Variants in MAP3K4 observed in about 807,000 individuals in gnomAD.
MAP3K4 encodes MAP three kinase 1.
Under a neutral mutation model 185.6 loss-of-function variants are expected in MAP3K4, and 67 were observed. The observed-to-expected ratio is 0.36, with a 90% CI of 0.30 to 0.44. The LOEUF (loss-of-function observed/expected upper bound fraction) is 0.44, where lower values mean the gene tolerates loss of function less well. Among genes scored for constraint, MAP3K4 ranks in the 20% least tolerant of loss-of-function variants. The pLI, the probability that MAP3K4 is intolerant of heterozygous loss-of-function variation, is 1.00. For missense variants in MAP3K4, 1,551 were observed against 1,995.1 expected, an observed-to-expected ratio of 0.78 and a Z score of 4.24; for synonymous variants, 702 against 710.4, an observed-to-expected ratio of 0.99 and a Z score of 0.19.
chr6:161,029,234 G>GT (rs1429164051), intron 1 of MAP3K4, among the ~76,000 whole-genome samples: 2 of 148,916 alleles, frequency 1.3e-5, no homozygotes, highest in Non-Finnish European at 3.0e-5. Context: ...AGTGTTTTGG[G>GT]TTTTTTTGGC....
intron 2 of MAP3K4, among the ~76,000 whole-genome samples, chr6:161,035,939 C>T (rs1783145183): frequency 6.6e-6 from 1 of 152,108 alleles, no homozygotes. Context: ...TTTTTAAGTC[C>T]AGAAGGCTTG....
At position 161,053,983 on chromosome 6, in the gene MAP3K4, G is replaced by A. The variant is rs188614839; in HGVS notation, c.1707+4004G>A. 3.9e-5 allele frequency among the ~76,000 whole-genome samples: 6 copies of A among 152,134 alleles called. No individual in the cohort carries two copies. The highest frequency in any genetic ancestry group is 7.2e-5 in the African/African-American group (3 of 41,432). ...CATATTTTGCAGTTTTTGTGGTTTC[G>A]TGATAATAGGAATGAATATAGGTGA... is the stretch of plus-strand genomic sequence containing the variant. On this transcript the variant is annotated intron_variant, in intron 3 of 26. Coordinates refer to ENST00000392142, the MANE Select transcript of MAP3K4 (RefSeq NM_005922.4). The surrounding 1 kb of genome is among the most constrained non-coding windows in gnomAD (Gnocchi z 4.2).
In MAP3K4 at chr6:161,088,070, T is replaced by G; in HGVS notation, c.2823+116T>G. 3.0e-6 allele frequency: 3 copies of G among 1,003,720 alleles called. No individual in the cohort carries two copies. The highest frequency in any genetic ancestry group is 4.3e-6 in the Non-Finnish European group (3 of 704,550). The allele number at this position is 1,003,720 out of a possible 1,614,324, so 62.2% of individuals were successfully genotyped here. Reference sequence around the variant, plus strand: ...TACCCTAGTAATCACAAGTATATACTTCCCAAAAATATGCCTCAATGTGTT... The same window carrying G: ...TACCCTAGTAATCACAAGTATATACGTCCCAAAAATATGCCTCAATGTGTT... On this transcript the variant is annotated intron_variant, in intron 10 of 26. Transcript: ENST00000392142. This position sits in a 1 kb window ranked among gnomAD's most constrained non-coding sequence, Gnocchi z 4.5.
At chr6:161,041,817 G>A (rs1251650251) in intron 2 of MAP3K4, among the ~76,000 whole-genome samples, 3 of 152,058 alleles carry the variant, frequency 2.0e-5, no homozygotes, top group African/African-American at 7.2e-5. Context: ...TCAGGTGTGG[G>A]CTACTTGTGA....
intron 1 of MAP3K4, among the ~76,000 whole-genome samples, chr6:160,997,216 T>G (rs933400523): frequency 1.3e-5 from 2 of 152,150 alleles, no homozygotes; most frequent in Non-Finnish European, 2.9e-5. Context: ...CACCTTATTG[T>G]CTCCATCCCC....
intron 2 of MAP3K4, among the ~76,000 whole-genome samples, chr6:161,046,384 A>C (rs1200307658): frequency 1.3e-5 from 2 of 152,146 alleles, no homozygotes; most frequent in Non-Finnish European, 2.9e-5. Context: ...TATATAAATA[A>C]GAGTTGATAA....
At chr6:161,090,106 C>G (rs1490205449) in intron 11 of MAP3K4, among the ~76,000 whole-genome samples, 1 of 152,222 alleles carries the variant, frequency 6.6e-6, no homozygotes, top group Non-Finnish European at 1.5e-5. Flanking sequence ...GAAACATTCT[C>G]TGAAGTTACA....
At chr6:161,047,117 CATATATATATATATATAT>C (rs3050257) in intron 2 of MAP3K4, among the ~76,000 whole-genome samples, 2 of 135,020 alleles carry the variant, frequency 1.5e-5, no homozygotes, top group Admixed American at 1.5e-4. Flanking sequence ...TTCACTTATG[CATATATATATATATATAT>C]ATATATATAT....
intron 3 of MAP3K4, among the ~76,000 whole-genome samples, chr6:161,059,015 A>G (rs1471859126): frequency 2.6e-5 from 4 of 152,198 alleles, no homozygotes; most frequent in African/African-American, 4.8e-5. Context: ...CATCTTTGAT[A>G]TGTATTGCCA....
At chr6:161,029,574 T>C (rs1330879373) in intron 1 of MAP3K4, among the ~76,000 whole-genome samples, 13 of 152,230 alleles carry the variant, frequency 8.5e-5, no homozygotes, top group Admixed American at 8.5e-4. Flanking sequence ...AGAAGTTTAG[T>C]ACCAGAAAGA....
Position 161,091,948 on chromosome 6 carries a change from AGT to A in MAP3K4, c.3136-56_3136-55del, listed in dbSNP as rs1177301374. The A allele has an allele frequency of 2.2e-6, 3 of 1,344,316 alleles. No individual in the cohort carries two copies. Among genetic ancestry groups the A allele is most frequent in the Non-Finnish European group, 3.2e-6 (3 of 941,408 alleles). The allele number at this position is 1,344,316 out of a possible 1,614,324, so 83.3% of individuals were successfully genotyped here. ...GAAAACATTTTAGACATGGCATTAT[AGT>A]GTGTGATATTATTTAATGATCATTT... On this transcript the variant is annotated intron_variant, in intron 12 of 26. Coordinates refer to ENST00000392142, the MANE Select transcript of MAP3K4 (RefSeq NM_005922.4). The surrounding 1 kb of genome is among the most constrained non-coding windows in gnomAD (Gnocchi z 5.5).
In MAP3K4 at chr6:161,077,344, C is replaced by G. The variant is rs1465267959; in HGVS notation, c.2098-3537C>G. 6.6e-6 allele frequency among the ~76,000 whole-genome samples: 1 copy of G among 152,144 alleles called. No individual in the cohort carries two copies. Among genetic ancestry groups the G allele is most frequent in the Admixed American group, 6.5e-5 (1 of 15,282 alleles). On this transcript the variant is annotated intron_variant, in intron 5 of 26. Transcript: ENST00000392142. This position sits in a 1 kb window ranked among gnomAD's most constrained non-coding sequence, Gnocchi z 4.3. ...AAAATCAACAAGAACATATCTAAAG[C>G]AAATATGACAAAATACTAACATTTG...
chr6:161,049,719 G>T lies in MAP3K4; in HGVS notation c.1447G>T (p.Asp483Tyr), dbSNP rs1373404574. ...EIRQPIDNSF[D>Y]IQSRDCISKK... ...CAGACAGCCCATAGATAACAGCTTC[G>T]ACATCCAGTCGCGGGACTGCATATC... Residue 483 changes from aspartate to tyrosine, a missense_variant, in exon 3 of 27, where the codon GAC becomes TAC. Coordinates refer to ENST00000392142, the MANE Select transcript of MAP3K4 (RefSeq NM_005922.4). The surrounding 1 kb of genome is among the most constrained non-coding windows in gnomAD (Gnocchi z 8.4). 1 of 1,613,998 alleles carries T rather than the reference G, an allele frequency of 6.2e-7. No individual in the cohort carries two copies. Among genetic ancestry groups the T allele is most frequent in the East Asian group, 2.2e-5 (1 of 44,880 alleles).
chr6:161,038,830 A>G (rs9295135), intron 2 of MAP3K4, among the ~76,000 whole-genome samples: 4,061 of 152,200 alleles, frequency 0.027, 121 homozygotes, highest in African/African-American at 0.072. Context: ...CTGGATGTCA[A>G]ACATCCACGA....
intron 2 of MAP3K4, among the ~76,000 whole-genome samples, chr6:161,039,942 G>A (rs1783373473): frequency 1.3e-5 from 2 of 152,132 alleles, no homozygotes; most frequent in Non-Finnish European, 2.9e-5. Flanking sequence ...TACTATTGCG[G>A]GGAGCATCTC....
chr6:161,093,633 C>T lies in MAP3K4; in HGVS notation c.3349-140C>T. On this transcript the variant is annotated intron_variant, in intron 14 of 26. Transcript: ENST00000392142. This position sits in a 1 kb window ranked among gnomAD's most constrained non-coding sequence, Gnocchi z 5.2. ...AATTACATACAATTTGTGTTTATACCTATTTTCTTTTAAACTAACTGAAAA... is the reference window on the plus strand; with the variant it reads ...AATTACATACAATTTGTGTTTATACTTATTTTCTTTTAAACTAACTGAAAA... The T allele has an allele frequency of 7.0e-6, 4 of 575,292 alleles. No individual in the cohort carries two copies. The highest frequency in any genetic ancestry group is 3.0e-5 in the East Asian group (1 of 33,410). The allele number at this position is 575,292 out of a possible 1,614,324, so 35.6% of individuals were successfully genotyped here. A position where few individuals can be genotyped will look rare whatever the true frequency, so the allele number is the denominator to read the frequency against.
chr6:161,106,438 T>A lies in MAP3K4; in HGVS notation c.3857-76T>A. 9.4e-7 allele frequency: 1 copy of A among 1,062,552 alleles called. No individual in the cohort carries two copies. The highest frequency in any genetic ancestry group is 1.6e-5 in the African/African-American group (1 of 62,448). 65.8% of individuals were successfully genotyped at this position (1,062,552 alleles called of 1,614,324 possible). On this transcript the variant is annotated intron_variant, in intron 19 of 26. Coordinates refer to ENST00000392142, the MANE Select transcript of MAP3K4 (RefSeq NM_005922.4). This position sits in a 1 kb window ranked among gnomAD's most constrained non-coding sequence, Gnocchi z 4.9. Reference sequence around the variant, plus strand: ...TGGAGTGCTAATATATATTGCTCTATTTTTATTGGTTTGTCTTTTGGAAAC... The same window carrying A: ...TGGAGTGCTAATATATATTGCTCTAATTTTATTGGTTTGTCTTTTGGAAAC...
In MAP3K4 at chr6:161,098,448, T is replaced by A. The variant is rs904403847; in HGVS notation, c.3674+21T>A. On this transcript the variant is annotated intron_variant, in intron 17 of 26. Coordinates refer to ENST00000392142, the MANE Select transcript of MAP3K4 (RefSeq NM_005922.4). This position sits in a 1 kb window ranked among gnomAD's most constrained non-coding sequence, Gnocchi z 4.4. ...ACCAGGTAGTCTCACCCCACCAGTGTCCCGTACCCTCACCACCCCTTACAT... is the reference window on the plus strand; with the variant it reads ...ACCAGGTAGTCTCACCCCACCAGTGACCCGTACCCTCACCACCCCTTACAT... The A allele has an allele frequency of 3.7e-6, 6 of 1,602,344 alleles. No individual in the cohort carries two copies. Among genetic ancestry groups the A allele is most frequent in the South Asian group, 1.1e-5 (1 of 90,208 alleles).
Position 161,084,734 on chromosome 6 carries a change from G to A in MAP3K4, c.2372+117G>A, listed in dbSNP as rs149051565. The stretch of plus-strand genomic sequence containing the variant: ...ATTGTGTTGGCCTGGAAGAATTTGG[G>A]CAGTAGATGTAAAGGGATTTATTTA... On this transcript the variant is annotated intron_variant, in intron 7 of 26. Coordinates refer to ENST00000392142, the MANE Select transcript of MAP3K4 (RefSeq NM_005922.4). The surrounding 1 kb of genome is among the most constrained non-coding windows in gnomAD (Gnocchi z 4.6). 243 of 574,060 alleles carry A rather than the reference G, an allele frequency of 4.2e-4. 1 individual carries two copies. Among genetic ancestry groups the A allele is most frequent in the African/African-American group, 3.9e-3 (207 of 53,556 alleles). The allele number at this position is 574,060 out of a possible 1,614,324, so 35.6% of individuals were successfully genotyped here. A position where few individuals can be genotyped will look rare whatever the true frequency, so the allele number is the denominator to read the frequency against.
Sources: gnomAD v4.1 joint callset for allele counts (sites outside exome capture counted in the v4.1 genomes callset) on GRCh38, gnomAD v4.1.1 for gene constraint, Gnocchi (gnomAD v3.1) non-coding constraint, MANE v1.5 for transcripts, NCBI Gene and HGNC (gene_info 2026-07-23, HGNC 2026-07-21) for gene names.